Variants in IL21R observed in about 807,000 individuals in gnomAD.
IL21R encodes the protein interleukin 21 receptor, also known as interleukin-21 receptor.
A neutral mutation model predicts 41.3 loss-of-function variants in IL21R; 14 were observed. The ratio of observed to expected loss-of-function variants is 0.34; its 90% CI spans 0.22 to 0.53. The LOEUF (loss-of-function observed/expected upper bound fraction) is 0.53. Among genes scored for constraint, IL21R ranks in the 20% least tolerant of loss-of-function variants. The pLI is 0.94. For synonymous variants in IL21R, 286 were observed against 287.6 expected, an observed-to-expected ratio of 0.99 and a Z score of 0.05; for missense variants, 588 against 681.6, an observed-to-expected ratio of 0.86 and a Z score of 1.53.
Position 27,448,741 on chromosome 16 carries a change from G to A in IL21R, c.1075G>A (p.Gly359Arg), listed in dbSNP as rs2087531969. The A allele has an allele frequency of 1.9e-6, 3 of 1,613,546 alleles. No homozygotes were observed. Among genetic ancestry groups the A allele is most frequent in the Middle Eastern group, 1.6e-4 (1 of 6,062 alleles). ...PSFWPTAQNS[G>R]GSAYSEERDR... ...CTTCTGGCCGACAGCCCAGAACTCGGGGGGCTCAGCTTACAGTGAGGAGAG... is the reference window on the plus strand; with the variant it reads ...CTTCTGGCCGACAGCCCAGAACTCGAGGGGCTCAGCTTACAGTGAGGAGAG... The change falls in exon 9 of 9, where the codon GGG becomes AGG. Residue 359 changes from glycine (G) to arginine (R), a missense_variant. Transcript: ENST00000337929.
At chr16:27,442,159 C>T (rs1045295825) in intron 4 of IL21R, among the ~76,000 whole-genome samples, 2 of 151,996 alleles carry the variant, frequency 1.3e-5, no homozygotes, top group Non-Finnish European at 2.9e-5. Flanking sequence ...TGTGTGTGTG[C>T]ATGCTGTGCG....
intron 5 of IL21R, among the ~76,000 whole-genome samples, chr16:27,443,736 T>TCA (rs1555498344): frequency 6.7e-6 from 1 of 150,302 alleles, no homozygotes; most frequent in African/African-American, 2.5e-5. Flanking sequence ...TGAGCTGGGA[T>TCA]CGCGCTACTG....
chr16:27,423,393 G>T (rs919242007), intron 1 of IL21R, among the ~76,000 whole-genome samples: 3 of 152,036 alleles, frequency 2.0e-5, no homozygotes, highest in African/African-American at 7.2e-5. Context: ...ACATACAAAA[G>T]GGCATAAAAT....
chr16:27,443,124 A>C lies in IL21R; in HGVS notation c.507+8A>C. On this transcript the variant is annotated splice_region_variant and intron_variant, in intron 5 of 8. Coordinates refer to ENST00000337929, the MANE Select transcript of IL21R (RefSeq NM_181078.3). The stretch of plus-strand genomic sequence containing the variant: ...GGAGACCCCTGGGCTGTGGTGAGGA[A>C]TGTGGGGATCAGTGCAGCTTTGTGG... 1 of 1,593,512 alleles carries C rather than the reference A, an allele frequency of 6.3e-7. No individual in the cohort carries two copies. Among genetic ancestry groups the C allele is most frequent in the Non-Finnish European group, 8.6e-7 (1 of 1,168,162 alleles).
intron 4 of IL21R, among the ~76,000 whole-genome samples, 179 bp downstream of exon 4, chr16:27,437,866 G>A (rs1264411748): frequency 6.6e-6 from 1 of 152,110 alleles, no homozygotes; most frequent in African/African-American, 2.4e-5. Flanking sequence ...ATCTTGCCAT[G>A]TTGCCCAGGC....
In IL21R at chr16:27,446,002, C is replaced by A. The variant is rs779223620; in HGVS notation, c.786-5C>A. The A allele has an allele frequency of 1.2e-6, 2 of 1,610,690 alleles. No homozygotes were observed. The highest frequency in any genetic ancestry group is 1.1e-5 in the South Asian group (1 of 90,526). On this transcript the variant is annotated splice_region_variant and splice_polypyrimidine_tract_variant and intron_variant, in intron 7 of 8. Transcript: ENST00000337929. ...CAGGGTCCTCACCCCTCTCTGCCCC[C>A]TCAGGCTATGGAAGAAGATATGGGC...
intron 1 of IL21R, among the ~76,000 whole-genome samples, chr16:27,412,471 G>A (rs1221464346): frequency 6.7e-6 from 1 of 149,548 alleles, no homozygotes; most frequent in Non-Finnish European, 1.5e-5. Context: ...GGCTATTTAG[G>A]GTCCCTTGAA....
chr16:27,434,255 C>G lies in IL21R; in HGVS notation c.50-92C>G, dbSNP rs2087225641. On this transcript the variant is annotated intron_variant, in intron 2 of 8. Transcript: ENST00000337929. ...GTCCCGGCCTGGGGACCCCTGCACCCATTCTTCCTCCAGCCCTCGAGGGGA... is the reference window on the plus strand; with the variant it reads ...GTCCCGGCCTGGGGACCCCTGCACCGATTCTTCCTCCAGCCCTCGAGGGGA... 1.5e-5 allele frequency: 12 copies of G among 824,912 alleles called. No homozygotes were observed. The Middle Eastern group carries it at 1.1e-3, about 77-fold the overall frequency. 51.1% of individuals were successfully genotyped at this position (824,912 alleles called of 1,614,324 possible).
At chr16:27,408,211 G>A (rs2086777031) in intron 1 of IL21R, among the ~76,000 whole-genome samples, 1 of 152,194 alleles carries the variant, frequency 6.6e-6, no homozygotes, top group African/African-American at 2.4e-5. Flanking sequence ...CTTTGGAGAG[G>A]TCAAAGATTG....
chr16:27,412,205 T>C (rs916159589), intron 1 of IL21R, among the ~76,000 whole-genome samples: 3 of 152,222 alleles, frequency 2.0e-5, no homozygotes, highest in Admixed American at 6.5e-5. Context: ...TCCTTTTCCC[T>C]CTTGTATAGA....
rs908496378 is a variant in IL21R, at chr16:27,429,613, A to G, written c.-16-443A>G. ...ATAGCAAGATGCCGTCTCTACAAAA[A>G]TGTTTTAAAAATTAGCCAGGCGTGG... is the stretch of plus-strand genomic sequence containing the variant. On this transcript the variant is annotated intron_variant, in intron 1 of 8. Transcript: ENST00000337929. Among the ~76,000 whole-genome samples the G allele has an allele frequency of 7.2e-5, 11 of 152,056 alleles. No homozygotes were observed. The East Asian group carries it at 2.1e-3, about 30-fold the overall frequency.
Position 27,450,505 on chromosome 16 carries a change from T to C in IL21R, c.*1222T>C, listed in dbSNP as rs1181147474. ...AATTGAAGGGAGGTCAAGTTGTTTG[T>C]CAATGATTTGTCAGAGAACCTGTTG... is the stretch of plus-strand genomic sequence containing the variant. On this transcript the variant is annotated 3_prime_UTR_variant, in exon 9 of 9. Transcript: ENST00000337929. The C allele has an allele frequency of 8.8e-6, 2 of 228,508 alleles. No homozygotes were observed. The highest frequency in any genetic ancestry group is 4.4e-5 in the African/African-American group (2 of 45,052). The allele number at this position is 228,508 out of a possible 1,614,324, so 14.2% of individuals were successfully genotyped here.
chr16:27,430,145 G>A (rs770624105), intron 2 of IL21R, 25 bp downstream of exon 2: 15 of 1,595,130 alleles, frequency 9.4e-6, no homozygotes, highest in South Asian at 3.3e-5. Context: ...CGTGGTCTGC[G>A]GGTGGGGAGG....
rs539289321 is a variant in IL21R at position 27,448,855 on chromosome 16, G to T, written c.1189G>T (p.Asp397Tyr). ...PCTWPCSCEDDGYPALDLDAG... is the reference protein window; with the variant it reads ...PCTWPCSCEDYGYPALDLDAG... ...CACCTGGCCCTGCAGCTGTGAGGAT[G>T]ACGGCTACCCAGCCCTGGACCTGGA... The change falls in exon 9 of 9, where the codon GAC (aspartate) becomes TAC (tyrosine). Residue 397 changes from aspartate (D) to tyrosine (Y), a missense_variant. Transcript: ENST00000337929. 6.2e-7 allele frequency: 1 copy of T among 1,613,124 alleles called. No homozygotes were observed. The highest frequency in any genetic ancestry group is 1.7e-5 in the Admixed American group (1 of 60,022).
intron 8 of IL21R, among the ~76,000 whole-genome samples, chr16:27,446,309 G>T (rs1181592994): frequency 6.6e-6 from 1 of 152,212 alleles, no homozygotes; most frequent in Non-Finnish European, 1.5e-5. Context: ...TTGACCAGGT[G>T]TGGTGGCTGA....
intron 1 of IL21R, among the ~76,000 whole-genome samples, chr16:27,427,788 C>T (rs1479533077): frequency 6.6e-6 from 1 of 152,090 alleles, no homozygotes; most frequent in Non-Finnish European, 1.5e-5. Flanking sequence ...GACTCCCCCT[C>T]CTGCGATCAG....
intron 3 of IL21R, among the ~76,000 whole-genome samples, chr16:27,435,233 C>T (rs1347322365): frequency 1.3e-5 from 2 of 151,726 alleles, no homozygotes; most frequent in African/African-American, 4.8e-5. Flanking sequence ...CCAGCCTGGG[C>T]AAAAAAGCAA....
chr16:27,446,705 C>G (rs1430572071), intron 8 of IL21R, among the ~76,000 whole-genome samples: 5 of 152,178 alleles, frequency 3.3e-5, no homozygotes, highest in Admixed American at 3.3e-4. Context: ...ACAGATTGCC[C>G]CACTGGTCCT....
intron 1 of IL21R, among the ~76,000 whole-genome samples, chr16:27,425,967 T>C (rs2087069922): frequency 1.3e-5 from 2 of 152,214 alleles, no homozygotes; most frequent in South Asian, 2.1e-4. Context: ...TTCTTGTATT[T>C]AGTTTTTATG....
Sources: gnomAD v4.1 joint callset for allele counts (sites outside exome capture counted in the v4.1 genomes callset) on GRCh38, gnomAD v4.1.1 for gene constraint, MANE v1.5 for transcripts, NCBI Gene and HGNC (gene_info 2026-07-23, HGNC 2026-07-21) for gene names.